The following GRIP1 variants were observed in gnomAD, a reference collection of about 807,000 sequenced individuals.
GRIP1 encodes the protein glutamate receptor interacting protein 1.
GRIP1 carries 45 observed loss-of-function variants against 129.9 expected under a neutral mutation model. That is an observed-to-expected ratio of 0.35 (90% CI 0.27 to 0.44). GRIP1 has a LOEUF of 0.44. Among genes scored for constraint, GRIP1 ranks in the 20% least tolerant of loss-of-function variants. GRIP1 has a pLI of 1.00. For synonymous variants in GRIP1, 530 were observed against 520.8 expected (o/e 1.02, Z -0.24); for missense variants, 1,196 against 1,396.8 (o/e 0.86, Z 2.29).
intron 1 of GRIP1, among the ~76,000 whole-genome samples, chr12:67,016,499 T>C (rs570926430): frequency 6.6e-6 from 1 of 152,184 alleles, no homozygotes; most frequent in South Asian, 2.1e-4. Context: ...TTTAAAGATA[T>C]GAAAACAGAC....
At chr12:66,608,236 G>A (rs1434410814) in intron 1 of GRIP1, among the ~76,000 whole-genome samples, 1 of 152,144 alleles carries the variant, frequency 6.6e-6, no homozygotes, top group African/African-American at 2.4e-5. Context: ...TGTGCTTTTT[G>A]TTATTCAAAG....
chr12:67,000,763 GA>G, intron 1 of GRIP1, among the ~76,000 whole-genome samples: 1 of 152,242 alleles, frequency 6.6e-6, no homozygotes, highest in African/African-American at 2.4e-5. Context: ...ATAGATTTTG[GA>G]TATTGTGGCT....
intron 7 of GRIP1, among the ~76,000 whole-genome samples, chr12:66,478,150 T>A (rs10784541): frequency 1.3e-5 from 2 of 152,074 alleles, no homozygotes; most frequent in South Asian, 2.1e-4. Flanking sequence ...GCTAATATCC[T>A]AATCTACAAA....
chr12:66,706,140 TCTTGCAATCTAC>T (rs1373199874), intron 1 of GRIP1, among the ~76,000 whole-genome samples: 1 of 152,138 alleles, frequency 6.6e-6, no homozygotes, highest in Non-Finnish European at 1.5e-5. Flanking sequence ...GGGAGAAAAT[TCTTGCAATCTAC>T]CCATCTGACA....
chr12:66,638,981 A>G (rs1287848676), intron 1 of GRIP1, among the ~76,000 whole-genome samples: 1 of 152,210 alleles, frequency 6.6e-6, no homozygotes, highest in Non-Finnish European at 1.5e-5. Context: ...CGAGGATTAA[A>G]CAATATAATG....
intron 8 of GRIP1, among the ~76,000 whole-genome samples, 194 bp downstream of exon 8, chr12:66,465,081 A>G (rs761148429): frequency 1.8e-4 from 28 of 151,542 alleles, no homozygotes; most frequent in Non-Finnish European, 3.5e-4. Flanking sequence ...AGTAGCTGGG[A>G]TTACAGGCAC....
intron 1 of GRIP1, among the ~76,000 whole-genome samples, chr12:66,629,577 A>G (rs945744000): frequency 6.6e-6 from 1 of 152,222 alleles, no homozygotes; most frequent in African/African-American, 2.4e-5. Context: ...TAATTTTTCC[A>G]CAGAAGTCAA....
intron 1 of GRIP1, among the ~76,000 whole-genome samples, chr12:66,817,309 C>G (rs1354451429): frequency 6.6e-6 from 1 of 151,842 alleles, no homozygotes; most frequent in African/African-American, 2.4e-5. Context: ...CAAGACCCAT[C>G]TGCTCTTTAA....
intron 4 of GRIP1, among the ~76,000 whole-genome samples, chr12:66,530,974 C>T (rs1357204240): frequency 4.0e-5 from 6 of 151,722 alleles, no homozygotes; most frequent in Non-Finnish European, 7.4e-5. Flanking sequence ...CGGTGGCTCA[C>T]GCCTGTAATC....
At chr12:66,836,166 CTA>C (rs2039609736) in intron 1 of GRIP1, among the ~76,000 whole-genome samples, 2 of 152,102 alleles carry the variant, frequency 1.3e-5, no homozygotes, top group East Asian at 3.8e-4. Flanking sequence ...GTTTCAGGAT[CTA>C]TGATATAATC....
At chr12:66,696,411 C>A (rs984399588) in intron 1 of GRIP1, among the ~76,000 whole-genome samples, 1 of 151,978 alleles carries the variant, frequency 6.6e-6, no homozygotes, top group Non-Finnish European at 1.5e-5. Context: ...ATTCTTTATT[C>A]CTGATAGTCA....
intron 1 of GRIP1, among the ~76,000 whole-genome samples, chr12:66,859,261 AAAAAAAC>A (rs1423579652): frequency 1.0e-4 from 3 of 29,238 alleles, no homozygotes; most frequent in African/African-American, 9.8e-5. Context: ...CATTTTCTGA[AAAAAAAC>A]AAAAAAACAA....
chr12:66,837,272 A>G (rs1047769575), intron 1 of GRIP1, among the ~76,000 whole-genome samples: 16 of 152,226 alleles, frequency 1.1e-4, no homozygotes, highest in African/African-American at 2.9e-4. Context: ...ACATTAGAGT[A>G]AAGGAGAGAG....
intron 7 of GRIP1, among the ~76,000 whole-genome samples, chr12:66,498,509 C>T (rs1162258479): frequency 1.3e-5 from 2 of 151,948 alleles, no homozygotes; most frequent in Non-Finnish European, 2.9e-5. Flanking sequence ...TATTTTATTT[C>T]CTCTGATTTC....
chr12:66,838,354 T>G (rs1319201457), intron 1 of GRIP1, among the ~76,000 whole-genome samples: 1 of 152,146 alleles, frequency 6.6e-6, no homozygotes, highest in Non-Finnish European at 1.5e-5. Flanking sequence ...TTAAAAATAT[T>G]TCAAGTGTTT....
chr12:66,618,180 G>C (rs1053398540), intron 1 of GRIP1, among the ~76,000 whole-genome samples: 23 of 152,138 alleles, frequency 1.5e-4, no homozygotes, highest in Admixed American at 5.9e-4. Context: ...ACAACAACAA[G>C]AAATCAGTAG....
chr12:66,467,928 A>G (rs2059331653), intron 7 of GRIP1, among the ~76,000 whole-genome samples: 1 of 152,200 alleles, frequency 6.6e-6, no homozygotes, highest in Non-Finnish European at 1.5e-5. Flanking sequence ...TGTCATGTCT[A>G]AAGATAAATT....
intron 1 of GRIP1, among the ~76,000 whole-genome samples, chr12:67,029,411 G>A (rs2042987632): frequency 6.6e-6 from 1 of 151,902 alleles, no homozygotes; most frequent in African/African-American, 2.4e-5. Flanking sequence ...ATTGTGCCTG[G>A]CCAAAAAATT....
exon 1 of GRIP1, chr12:67,069,102 G>T (rs1476801396): frequency 2.0e-6 from 2 of 984,894 alleles, no homozygotes; most frequent in Non-Finnish European, 2.4e-6. Flanking sequence ...TCTTCCAGCC[G>T]GGCATGGTGT....
Sources: allele counts gnomAD v4.1 joint callset (sites outside exome capture counted in the v4.1 genomes callset), GRCh38; gene constraint gnomAD v4.1.1; transcripts MANE v1.5; gene names NCBI Gene and HGNC (gene_info 2026-07-23, HGNC 2026-07-21).